Variants in ZFHX3 observed in about 807,000 individuals in gnomAD.
ZFHX3 encodes zinc finger homeobox 3.
ZFHX3 carries 42 observed loss-of-function variants against 279.1 expected under a neutral mutation model. That is an observed-to-expected ratio of 0.15 (90% CI 0.12 to 0.19). The LOEUF (loss-of-function observed/expected upper bound fraction) is 0.19, where lower values mean the gene tolerates loss of function less well. ZFHX3 is among the 10% of genes least tolerant of loss of function. The probability of loss-of-function intolerance (pLI) is 1.00; values close to 1 mark genes in which losing one functional copy is unlikely to be tolerated. For missense variants in ZFHX3, 4,981 were observed against 4,754.0 expected (o/e 1.05, Z -1.40); for synonymous variants, 2,293 against 1,957.8 (o/e 1.17, Z -4.52).
At chr16:73,584,822 T>C (rs778544383) in intron 2 of ZFHX3, among the ~76,000 whole-genome samples, 6 of 151,740 alleles carry the variant, frequency 4.0e-5, no homozygotes, top group Admixed American at 6.6e-5. Flanking sequence ...TGGGAGAAAA[T>C]TTTTGCAATC....
intron 4 of ZFHX3, among the ~76,000 whole-genome samples, chr16:72,831,065 T>A (rs2037048938): frequency 6.6e-6 from 1 of 152,196 alleles, no homozygotes; most frequent in South Asian, 2.1e-4. Context: ...CTTCTGACCC[T>A]CTAGAAAACA....
chr16:73,483,544 T>C lies in ZFHX3; in HGVS notation c.-1546-27286A>G, dbSNP rs147966713. 166 of 348,872 alleles carry C rather than the reference T, an allele frequency of 4.8e-4. 2 individuals carry two copies. In the East Asian group the frequency reaches 1.0e-2, roughly 21 times the overall value. The allele number at this position is 348,872 out of a possible 1,614,324, so 21.6% of individuals were successfully genotyped here. A position where few individuals can be genotyped will look rare whatever the true frequency, so the allele number is the denominator to read the frequency against. ...CGTAGCTCCGCGTTCTCATTTCTTG[T>C]CTCTGCAAATCCGTCAGCTGCCTAC... On this transcript the variant is annotated intron_variant, in intron 2 of 17. Coordinates refer to the ZFHX3 transcript ENST00000641206.
intron 1 of ZFHX3, among the ~76,000 whole-genome samples, chr16:73,699,682 T>C (rs992238246): frequency 1.3e-5 from 2 of 152,208 alleles, no homozygotes; most frequent in African/African-American, 2.4e-5. Context: ...GCTGACACTG[T>C]TATTATTCCT....
chr16:73,537,813 T>C (rs537811878), intron 2 of ZFHX3, among the ~76,000 whole-genome samples: 3 of 152,182 alleles, frequency 2.0e-5, no homozygotes, highest in Admixed American at 6.5e-5. Flanking sequence ...ATATGACATG[T>C]GGTGAAGGGA....
chr16:73,520,738 CAATTT>C (rs2019595851), intron 2 of ZFHX3, among the ~76,000 whole-genome samples: 1 of 152,054 alleles, frequency 6.6e-6, no homozygotes, highest in African/African-American at 2.4e-5. Context: ...TACACAAAAT[CAATTT>C]AATTTAACAT....
At chr16:73,079,581 C>T (rs1370908095) in intron 8 of ZFHX3, among the ~76,000 whole-genome samples, 1 of 152,014 alleles carries the variant, frequency 6.6e-6, no homozygotes, top group Non-Finnish European at 1.5e-5. Context: ...TCAAGTGATC[C>T]TCCCACCCTG....
chr16:73,677,559 A>G (rs914818127), intron 2 of ZFHX3, among the ~76,000 whole-genome samples: 2 of 151,922 alleles, frequency 1.3e-5, no homozygotes, highest in Admixed American at 6.6e-5. Flanking sequence ...GCTAATCACA[A>G]AAAAAGATAT....
chr16:72,877,915 G>A (rs561924611), intron 4 of ZFHX3, among the ~76,000 whole-genome samples: 1 of 152,328 alleles, frequency 6.6e-6, no homozygotes, highest in South Asian at 2.1e-4. Flanking sequence ...CTGAATTATA[G>A]TGGGCTTGTA....
rs369458922 is a variant in ZFHX3 at position 73,286,129 on chromosome 16, C to A, written c.-1193-28993G>T. 2.6e-4 allele frequency among the ~76,000 whole-genome samples: 40 copies of A among 152,170 alleles called. 2 individuals carry two copies. The highest frequency in any genetic ancestry group is 1.2e-3 in the South Asian group (6 of 4,810). On this transcript the variant is annotated intron_variant, in intron 4 of 17. Transcript: ENST00000641206. ...CGGGGCCAACCAATTCTTCCCTCCG[C>A]GGCTCCCATGGTCTCTCCCTCCCTC...
At chr16:72,954,335 A>G (rs1333069110) in intron 2 of ZFHX3, among the ~76,000 whole-genome samples, 14 of 152,102 alleles carry the variant, frequency 9.2e-5, no homozygotes, top group Admixed American at 9.2e-4. Context: ...GCGCTATTGC[A>G]CTCCAGCCTG....
At chr16:73,106,201 ATCTTG>A (rs1372960837) in intron 7 of ZFHX3, among the ~76,000 whole-genome samples, 1 of 151,980 alleles carries the variant, frequency 6.6e-6, no homozygotes, top group Non-Finnish European at 1.5e-5. Flanking sequence ...AGGAGCAAGG[ATCTTG>A]TCTTGTTCTT....
Position 72,950,574 on chromosome 16 carries a change from G to A in ZFHX3, c.3111C>T (p.Pro1037=), listed in dbSNP as rs746294646. 24 of 1,614,098 alleles carry A rather than the reference G, an allele frequency of 1.5e-5. No homozygotes were observed. The highest frequency in any genetic ancestry group is 6.7e-5 in the East Asian group (3 of 44,888). Reference sequence around the variant, plus strand: ...CACAGGCGTTGCACTTGAGGTGCACGGGGTTGCCGATGGCCACACACTTGA... The same window carrying A: ...CACAGGCGTTGCACTTGAGGTGCACAGGGTTGCCGATGGCCACACACTTGA... ...WRLKCVAIGN[P]VHLKCNACDY... is the part of the protein sequence containing the mutation. Residue 1037 remains proline, a synonymous_variant, in exon 3 of 10, where the codon CCC becomes CCT. Transcript: ENST00000268489.
chr16:73,579,854 TTATATATATA>T lies in ZFHX3; in HGVS notation c.-1547+100316_-1547+100325del, dbSNP rs200667144. Among the ~76,000 whole-genome samples the T allele has an allele frequency of 1.2e-3, 173 of 140,942 alleles. 3 individuals carry two copies. The highest frequency in any genetic ancestry group is 4.7e-3 in the African/African-American group (171 of 36,686). The allele number at this position is 140,942 out of a possible 152,430, so 92.5% of individuals were successfully genotyped here. A position where few individuals can be genotyped will look rare whatever the true frequency, so the allele number is the denominator to read the frequency against. On this transcript the variant is annotated intron_variant, in intron 2 of 17. Coordinates refer to the ZFHX3 transcript ENST00000641206. ...GGTTCACAAATATATATTATACAGA[TTATATATATA>T]TATATATATACATACACACACATAT... is the stretch of plus-strand genomic sequence containing the variant.
At chr16:73,069,138 C>A (rs1765102503) in intron 8 of ZFHX3, among the ~76,000 whole-genome samples, 1 of 152,180 alleles carries the variant, frequency 6.6e-6, no homozygotes, top group South Asian at 2.1e-4. Flanking sequence ...TTGCTGAAAG[C>A]CTTGTTAAGG....
intron 2 of ZFHX3, among the ~76,000 whole-genome samples, chr16:73,629,413 G>A (rs2052447766): frequency 6.6e-6 from 1 of 151,992 alleles, no homozygotes; most frequent in Non-Finnish European, 1.5e-5. Context: ...TACATTGCTG[G>A]TGTTTATGAT....
chr16:73,607,822 T>G (rs1392415733), intron 2 of ZFHX3, among the ~76,000 whole-genome samples: 1 of 152,022 alleles, frequency 6.6e-6, no homozygotes, highest in Non-Finnish European at 1.5e-5. Context: ...TCTCAACACT[T>G]TGGGAGGCTG....
At chr16:73,501,837 A>G (rs936482679) in intron 2 of ZFHX3, among the ~76,000 whole-genome samples, 2 of 152,164 alleles carry the variant, frequency 1.3e-5, no homozygotes, top group Non-Finnish European at 2.9e-5. Flanking sequence ...TGTTCCTGGC[A>G]TGATAGGTCG....
At chr16:72,936,271 A>C (rs1960120069) in intron 3 of ZFHX3, among the ~76,000 whole-genome samples, 1 of 152,220 alleles carries the variant, frequency 6.6e-6, no homozygotes, top group African/African-American at 2.4e-5. Context: ...CACAGGGCAG[A>C]AGCACGGCAT....
At chr16:73,671,579 C>G (rs2052904541) in intron 2 of ZFHX3, among the ~76,000 whole-genome samples, 1 of 152,208 alleles carries the variant, frequency 6.6e-6, no homozygotes, top group South Asian at 2.1e-4. Context: ...TCTAACCTGG[C>G]AGGGTGCCTG....
Sources: gnomAD v4.1 joint callset for allele counts (sites outside exome capture counted in the v4.1 genomes callset) on GRCh38, gnomAD v4.1.1 for gene constraint, MANE v1.5 for transcripts, NCBI Gene and HGNC (gene_info 2026-07-23, HGNC 2026-07-21) for gene names.